CDK13: variants seen among roughly 807,000 people sequenced by gnomAD.
The protein encoded by CDK13 is cyclin dependent kinase 13.
In CDK13, 40 loss-of-function variants were observed where a neutral mutation model predicts 137.6. The observed-to-expected ratio is 0.29, with a 90% confidence interval of 0.23 to 0.38. The LOEUF (loss-of-function observed/expected upper bound fraction) is 0.38. CDK13 is among the 10% of genes least tolerant of loss of function. The pLI, the probability that CDK13 is intolerant of heterozygous loss-of-function variation, is 1.00. For synonymous variants in CDK13, 869 were observed against 760.1 expected, an observed-to-expected ratio of 1.14 and a Z score of -2.36; for missense variants, 1,704 against 1,951.8, an observed-to-expected ratio of 0.87 and a Z score of 2.39.
chr7:40,024,745 C>T (rs897779255), intron 5 of CDK13, among the ~76,000 whole-genome samples: 30 of 149,240 alleles, frequency 2.0e-4, no homozygotes, highest in African/African-American at 7.2e-4. Flanking sequence ...CTCACTGCAG[C>T]CTCCGCCTCC....
At chr7:40,015,517 T>C (rs531825471) in intron 5 of CDK13, among the ~76,000 whole-genome samples, 2 of 152,280 alleles carry the variant, frequency 1.3e-5, no homozygotes, top group South Asian at 2.1e-4. Context: ...AATTATTTAG[T>C]GATATAGTGC....
intron 11 of CDK13, among the ~76,000 whole-genome samples, chr7:40,079,820 TA>T (rs1366237063): frequency 2.0e-5 from 3 of 152,076 alleles, no homozygotes; most frequent in Non-Finnish European, 4.4e-5. Flanking sequence ...ATGGGGGAAA[TA>T]TATAGAGTTT....
chr7:40,054,978 C>T (rs1302619168), intron 7 of CDK13, among the ~76,000 whole-genome samples: 2 of 152,088 alleles, frequency 1.3e-5, no homozygotes, highest in South Asian at 2.1e-4. Flanking sequence ...CCTAGAAGTT[C>T]GAGTCCAGCC....
At chr7:40,009,952 T>A (rs2116359557) in intron 5 of CDK13, among the ~76,000 whole-genome samples, 1 of 152,320 alleles carries the variant, frequency 6.6e-6, no homozygotes, top group Non-Finnish European at 1.5e-5. Flanking sequence ...TGTATATTTA[T>A]GCATGAGAAA....
At chr7:40,052,642 G>A (rs1315882535) in intron 7 of CDK13, among the ~76,000 whole-genome samples, 4 of 152,046 alleles carry the variant, frequency 2.6e-5, no homozygotes, top group East Asian at 1.9e-4. Context: ...CTCCCAAAAC[G>A]CACACACCTT....
At chr7:39,998,806 G>C (rs1021573971) in intron 3 of CDK13, 1 of 151,928 alleles carries the variant, frequency 6.6e-6, no homozygotes, top group Non-Finnish European at 1.5e-5. Context: ...GTGGCTTCCT[G>C]AGAGTTGGTT....
chr7:40,083,103 C>CAA (rs34744742), intron 11 of CDK13, among the ~76,000 whole-genome samples: 15 of 100,398 alleles, frequency 1.5e-4, no homozygotes, highest in African/African-American at 3.6e-4. Flanking sequence ...ACTCTGTCTC[C>CAA]AAAAAAAAAA....
intron 2 of CDK13, among the ~76,000 whole-genome samples, chr7:39,996,173 C>T (rs1784556480): frequency 6.6e-6 from 1 of 152,086 alleles, no homozygotes; most frequent in Non-Finnish European, 1.5e-5. Flanking sequence ...TTAAAGGATT[C>T]ATTTGTTTTA....
chr7:40,051,380 G>T, intron 7 of CDK13, among the ~76,000 whole-genome samples: 1 of 151,526 alleles, frequency 6.6e-6, no homozygotes, highest in African/African-American at 2.4e-5. Flanking sequence ...TAATAACTGT[G>T]ATTTTAAAAG....
At chr7:40,029,666 T>A (rs1303525397) in intron 5 of CDK13, among the ~76,000 whole-genome samples, 1 of 152,094 alleles carries the variant, frequency 6.6e-6, no homozygotes, top group Non-Finnish European at 1.5e-5. Flanking sequence ...TTTTTTCTTT[T>A]TTTTGAGACA....
chr7:40,000,721 G>A (rs1046354953), intron 4 of CDK13, among the ~76,000 whole-genome samples: 1 of 152,022 alleles, frequency 6.6e-6, no homozygotes, highest in Non-Finnish European at 1.5e-5. Context: ...TAAGTAAAAC[G>A]GACTCATACA....
Position 40,094,429 on chromosome 7 carries a change from G to A in CDK13, c.3988G>A (p.Val1330Met), listed in dbSNP as rs527978475. ...TGATTATCAAGCAGGAGACACTTAC[G>A]TGTCCACTTCAGACTACAAGGACAA... ...GIDYQAGDTY[V>M]STSDYKDNFG... Residue 1330 changes from valine to methionine, a missense_variant, in exon 14 of 14, where the codon GTG (valine) becomes ATG (methionine). Around this residue, in one of 5 missense-constraint regions of CDK13, gnomAD observed 475 missense variants for 579.3 expected, o/e 0.82. Transcript: ENST00000181839. 5.0e-6 allele frequency: 8 copies of A among 1,613,940 alleles called. No homozygotes were observed. Among genetic ancestry groups the A allele is most frequent in the East Asian group, 2.2e-5 (1 of 44,866 alleles).
rs1156812347 is a variant in CDK13, at chr7:40,089,100, T to TGTGA, written c.3235+774_3235+777dup. 7.3e-5 allele frequency among the ~76,000 whole-genome samples: 11 copies of TGTGA among 150,898 alleles called. No individual in the cohort carries two copies. The South Asian group carries it at 1.1e-3, about 14-fold the overall frequency. On this transcript the variant is annotated intron_variant, in intron 12 of 13. Coordinates refer to ENST00000181839, the MANE Select transcript of CDK13 (RefSeq NM_003718.5). ...ATCTCAAAATATGTGTGTGTGTGTG[T>TGTGA]GTGAGTGAATCTGATATTTGTGCCC...
chr7:40,044,480 G>A (rs1785689325), intron 5 of CDK13, among the ~76,000 whole-genome samples: 1 of 151,610 alleles, frequency 6.6e-6, no homozygotes, highest in African/African-American at 2.4e-5. Context: ...CACCACGCCA[G>A]GCTAATTTTT....
chr7:39,978,555 T>TA (rs1397202846), intron 1 of CDK13, among the ~76,000 whole-genome samples: 1 of 152,228 alleles, frequency 6.6e-6, no homozygotes, highest in Non-Finnish European at 1.5e-5. Flanking sequence ...TTAAATATCT[T>TA]AGAGATTTGA....
At chr7:39,960,229 A>G (rs1159368667) in intron 1 of CDK13, among the ~76,000 whole-genome samples, 1 of 149,028 alleles carries the variant, frequency 6.7e-6, no homozygotes. Context: ...TTTTTTTTCT[A>G]TAAGATACTT....
At chr7:40,089,723 AGTGTGTGTGT>A (rs142023627) in intron 12 of CDK13, among the ~76,000 whole-genome samples, 7 of 125,154 alleles carry the variant, frequency 5.6e-5, no homozygotes, top group Admixed American at 1.5e-4. Flanking sequence ...AGAGAGAGAG[AGTGTGTGTGT>A]GTGTGTGTGT....
chr7:39,979,463 ATC>A, intron 1 of CDK13, among the ~76,000 whole-genome samples: 1 of 152,174 alleles, frequency 6.6e-6, no homozygotes, highest in South Asian at 2.1e-4. Flanking sequence ...TGATCTGCCC[ATC>A]TCGGCTTCCC....
chr7:40,033,936 A>G (rs888339522), intron 5 of CDK13, among the ~76,000 whole-genome samples: 1 of 152,150 alleles, frequency 6.6e-6, no homozygotes, highest in East Asian at 1.9e-4. Context: ...CTGGAGTTGA[A>G]TATTTCCCTT....
Sources: gnomAD v4.1 joint callset for allele counts (sites outside exome capture counted in the v4.1 genomes callset) on GRCh38, gnomAD v4.1.1 for gene constraint, gnomAD v4.1.1 regional missense constraint, MANE v1.5 for transcripts, NCBI Gene and HGNC (gene_info 2026-07-23, HGNC 2026-07-21) for gene names.